The following BAG5 variants were observed in gnomAD, a reference collection of about 807,000 sequenced individuals.
The protein encoded by BAG5 is BAG cochaperone 5.
A neutral mutation model predicts 31.8 loss-of-function variants in BAG5; 25 were observed. That is an observed-to-expected ratio of 0.79 (90% confidence interval 0.57 to 1.10). BAG5 has a LOEUF of 1.10. BAG5 is among the 50% of genes least tolerant of loss of function. The probability of loss-of-function intolerance (pLI) is 0.00; values close to 1 mark genes in which losing one functional copy is unlikely to be tolerated. For synonymous variants in BAG5, 208 were observed against 205.0 expected, an observed-to-expected ratio of 1.01 and a Z score of -0.13; for missense variants, 491 against 527.9, an observed-to-expected ratio of 0.93 and a Z score of 0.68.
Position 103,560,387 on chromosome 14 carries a change from C to T in BAG5, c.778G>A (p.Glu260Lys). 1 of 1,614,188 alleles carries T rather than the reference C, an allele frequency of 6.2e-7. No individual in the cohort carries two copies. The change falls in exon 2 of 2, where the codon GAG (glutamate) becomes AAG (lysine). Residue 260 changes from glutamate (E) to lysine (K), a missense_variant. By Grantham distance (56) the Glu-to-Lys change is moderately conservative (BLOSUM62 1). Transcript: ENST00000299204. ...AATGCTTTAGTTGTGTCTGCTTCCT[C>T]TTCCAAATCCAGATATTTCAATAAT... ...NKLLKYLDLEEEADTTKAFDL... is the reference protein window; with the variant it reads ...NKLLKYLDLEKEADTTKAFDL...
intron 1 of BAG5, 143 bp from the exon 2 acceptor site, chr14:103,561,335 G>T: frequency 1.3e-6 from 1 of 786,938 alleles, no homozygotes; most frequent in African/African-American, 1.7e-5. Flanking sequence ...CAGTAGCTGG[G>T]TCTACAGTCG....
chr14:103,557,172 G>C lies in BAG5; in HGVS notation c.*2649C>G, dbSNP rs935681372. On this transcript the variant is annotated 3_prime_UTR_variant, in exon 2 of 2. Transcript: ENST00000299204. ...CATTTTTGGGGAGTAGGTTTTACTT[G>C]CAGTACAGATTCTTTTCATTACAGA... is the stretch of plus-strand genomic sequence containing the variant. 6.6e-6 allele frequency: 1 copy of C among 152,186 alleles called. No homozygotes were observed. The highest frequency in any genetic ancestry group is 1.5e-5 in the Non-Finnish European group (1 of 68,036). The allele number at this position is 152,186 out of a possible 1,614,324, so 9.4% of individuals were successfully genotyped here.
rs985865923 is a variant in BAG5, at chr14:103,559,711, T to C, written c.*110A>G. On this transcript the variant is annotated 3_prime_UTR_variant, in exon 2 of 2. Transcript: ENST00000299204. ...TACTGAATAGAATTTGCTTCAATCA[T>C]AAATACTGAGACTGAAATATGCACG... 3 of 1,362,328 alleles carry C rather than the reference T, an allele frequency of 2.2e-6. No homozygotes were observed. The South Asian group carries it at 4.3e-5, about 19-fold the overall frequency. 84.4% of individuals were successfully genotyped at this position (1,362,328 alleles called of 1,614,324 possible).
At position 103,560,669 on chromosome 14, in the gene BAG5, A is replaced by T; in HGVS notation, c.496T>A (p.Cys166Ser). ...GGCAGGGAAGGCTGCTTTTTCATGCAGTCTTCGATTATCTCTTGCACCGCA... is the reference window on the plus strand; with the variant it reads ...GGCAGGGAAGGCTGCTTTTTCATGCTGTCTTCGATTATCTCTTGCACCGCA... ...ICAVQEIIEDCMKKQPSLPLS... is the reference protein window; with the variant it reads ...ICAVQEIIEDSMKKQPSLPLS... The change falls in exon 2 of 2, where the codon TGC (cysteine) becomes AGC (serine). Residue 166 changes from cysteine (C) to serine (S), a missense_variant. Transcript: ENST00000299204. The T allele has an allele frequency of 3.1e-6, 5 of 1,614,178 alleles. No homozygotes were observed. Among genetic ancestry groups the T allele is most frequent in the Non-Finnish European group, 2.5e-6 (3 of 1,180,040 alleles).
At chr14:103,561,773 A>G in intron 1 of BAG5, 1 of 640,878 alleles carries the variant, frequency 1.6e-6, no homozygotes, top group Non-Finnish European at 2.8e-6. Flanking sequence ...ACAGGTAAAG[A>G]AGAGCGACCG....
Position 103,557,283 on chromosome 14 carries a change from G to A in BAG5, c.*2538C>T, listed in dbSNP as rs907881047. ...TTAACACAAACAGCTCCCCACGAAGGCCGACAAGAGCTAAATCCGGTGTCA... is the reference window on the plus strand; with the variant it reads ...TTAACACAAACAGCTCCCCACGAAGACCGACAAGAGCTAAATCCGGTGTCA... On this transcript the variant is annotated 3_prime_UTR_variant, in exon 2 of 2. Transcript: ENST00000299204. 2 of 152,324 alleles carry A rather than the reference G, an allele frequency of 1.3e-5. No individual in the cohort carries two copies. Among genetic ancestry groups the A allele is most frequent in the East Asian group, 1.9e-4 (1 of 5,192 alleles). The allele number at this position is 152,324 out of a possible 1,614,324, so 9.4% of individuals were successfully genotyped here.
chr14:103,561,273 T>A (rs970078254), intron 1 of BAG5, 81 bp from the exon 2 acceptor site: 57 of 1,426,710 alleles, frequency 4.0e-5, no homozygotes, highest in Admixed American at 4.6e-5. Context: ...CATTCTAAAA[T>A]TCTCATTTTA....
Position 103,559,757 on chromosome 14 carries a change from G to A in BAG5, c.*64C>T. ...GCACGTATAAATCAATGAACTGAAA[G>A]CTCTCTATACATAGAAGCACATATG... On this transcript the variant is annotated 3_prime_UTR_variant, in exon 2 of 2. Coordinates refer to ENST00000299204, the MANE Select transcript of BAG5 (RefSeq NM_001015048.3). 3 of 1,525,038 alleles carry A rather than the reference G, an allele frequency of 2.0e-6. No homozygotes were observed. The highest frequency in any genetic ancestry group is 2.6e-6 in the Non-Finnish European group (3 of 1,135,106). 94.5% of individuals were successfully genotyped at this position (1,525,038 alleles called of 1,614,324 possible).
intron 1 of BAG5, chr14:103,561,940 A>T (rs748046116): frequency 1.2e-6 from 2 of 1,613,122 alleles, no homozygotes; most frequent in East Asian, 4.5e-5. Context: ...CAATGGCCTA[A>T]TGCACGTTTC....
Position 103,560,189 on chromosome 14 carries a change from G to A in BAG5, c.976C>T (p.Pro326Ser), listed in dbSNP as rs1419518845. The A allele has an allele frequency of 5.0e-6, 8 of 1,614,098 alleles. No individual in the cohort carries two copies. In the Admixed American group the frequency reaches 1.0e-4, roughly 20 times the overall value. ...CTTCTCCTGGCTTCCCGGATGCAGG[G>A]GTTTTTTTCAAGACTTACCTCATCC... Reference protein sequence around the residue: ...QLDEVSLEKNPCIREARRRAV... With the variant: ...QLDEVSLEKNSCIREARRRAV... The change falls in exon 2 of 2, where the codon CCC (proline) becomes TCC (serine). Residue 326 changes from proline to serine, a missense_variant. Coordinates refer to ENST00000299204, the MANE Select transcript of BAG5 (RefSeq NM_001015048.3).
rs1566973143 is a variant in BAG5, at chr14:103,560,846, C to T, written c.319G>A (p.Glu107Lys). The change falls in exon 2 of 2, where the codon GAG becomes AAG. Residue 107 changes from glutamate (E) to lysine (K), a missense_variant. Physicochemically the swap from Glu to Lys is moderately conservative, Grantham distance 56. Coordinates refer to ENST00000299204, the MANE Select transcript of BAG5 (RefSeq NM_001015048.3). Reference protein sequence around the residue: ...IFEEAQSLVREKIVPFYNGGN... With the variant: ...IFEEAQSLVRKKIVPFYNGGN... ...CCATTATAAAATGGCACAATTTTCT[C>T]TCTCACGAGGGACTGGGCTTCCTCA... The T allele has an allele frequency of 6.2e-7, 1 of 1,614,092 alleles. No individual in the cohort carries two copies. The highest frequency in any genetic ancestry group is 2.2e-5 in the East Asian group (1 of 44,884).
chr14:103,560,810 C>T lies in BAG5; in HGVS notation c.355G>A (p.Val119Ile), dbSNP rs370330698. ...ATGCCTTCTTCAAACTCATCAGTTA[C>T]GCAGTTGCCTCCATTATAAAATGGC... ...IVPFYNGGNC[V>I]TDEFEEGIQD... Residue 119 changes from valine (V) to isoleucine (I), a missense_variant, in exon 2 of 2, where the codon GTA becomes ATA. Physicochemically the swap from Val to Ile is conservative, Grantham distance 29. Coordinates refer to ENST00000299204, the MANE Select transcript of BAG5 (RefSeq NM_001015048.3). The T allele has an allele frequency of 4.3e-6, 7 of 1,613,874 alleles. No individual in the cohort carries two copies. Among genetic ancestry groups the T allele is most frequent in the South Asian group, 1.1e-5 (1 of 91,076 alleles).
At position 103,559,295 on chromosome 14, in the gene BAG5, G is replaced by A. The variant is rs2076055179; in HGVS notation, c.*526C>T. Reference sequence around the variant, plus strand: ...ATGTTTACAAAAGAACAGACTGTCTGAACAAACAAAAAAACCCCACCCCGT... The same window carrying A: ...ATGTTTACAAAAGAACAGACTGTCTAAACAAACAAAAAAACCCCACCCCGT... On this transcript the variant is annotated 3_prime_UTR_variant, in exon 2 of 2. Coordinates refer to ENST00000299204, the MANE Select transcript of BAG5 (RefSeq NM_001015048.3). 6.6e-6 allele frequency: 1 copy of A among 152,098 alleles called. No individual in the cohort carries two copies. The highest frequency in any genetic ancestry group is 1.5e-5 in the Non-Finnish European group (1 of 68,108). The allele number at this position is 152,098 out of a possible 1,614,324, so 9.4% of individuals were successfully genotyped here.
intron 1 of BAG5, chr14:103,561,908 C>G (rs1566973820): frequency 6.3e-7 from 1 of 1,596,152 alleles, no homozygotes; most frequent in Non-Finnish European, 8.6e-7. Flanking sequence ...AATTCATTCA[C>G]TCGCCTCCCA....
At chr14:103,562,218 C>A in intron 1 of BAG5, 1 of 581,362 alleles carries the variant, frequency 1.7e-6, no homozygotes, top group Non-Finnish European at 3.1e-6. Context: ...ATGCCTCGCA[C>A]CCCTCCCGAC....
Position 103,558,195 on chromosome 14 carries a change from C to T in BAG5, c.*1626G>A, listed in dbSNP as rs868700217. The T allele has an allele frequency of 6.6e-5, 10 of 152,076 alleles. No homozygotes were observed. The highest frequency in any genetic ancestry group is 1.9e-4 in the East Asian group (1 of 5,190). 9.4% of individuals were successfully genotyped at this position (152,076 alleles called of 1,614,324 possible). Reference sequence around the variant, plus strand: ...ACTGCCCTCTGACCCCACCGTCCAGCGATTCTAGAACATTTCTAGTAGGAA... The same window carrying T: ...ACTGCCCTCTGACCCCACCGTCCAGTGATTCTAGAACATTTCTAGTAGGAA... On this transcript the variant is annotated 3_prime_UTR_variant, in exon 2 of 2. Coordinates refer to ENST00000299204, the MANE Select transcript of BAG5 (RefSeq NM_001015048.3).
At position 103,562,633 on chromosome 14, in the gene BAG5, T is replaced by G; in HGVS notation, c.-46A>C. On this transcript the variant is annotated 5_prime_UTR_variant, in exon 1 of 2. It removes an upstream start codon present in the reference 5' UTR. Coordinates refer to ENST00000299204, the MANE Select transcript of BAG5 (RefSeq NM_001015048.3). ...TCGCTCACCTGTCCCGCCCGCGCCA[T>G]CGCGCGATGCGTCGCCGACGCTTCC... The G allele has an allele frequency of 5.2e-6, 1 of 191,508 alleles. No homozygotes were observed. The highest frequency in any genetic ancestry group is 1.1e-5 in the Non-Finnish European group (1 of 94,602). The allele number at this position is 191,508 out of a possible 1,614,324, so 11.9% of individuals were successfully genotyped here. A position where few individuals can be genotyped will look rare whatever the true frequency, so the allele number is the denominator to read the frequency against.
rs765541357 is a variant in BAG5 at position 103,560,076 on chromosome 14, G to A, written c.1089C>T (p.His363=). The change falls in exon 2 of 2, where the codon CAC becomes CAT. Residue 363 remains histidine (H), a synonymous_variant. Coordinates refer to ENST00000299204, the MANE Select transcript of BAG5 (RefSeq NM_001015048.3). ...EKRKLFACEE[H]PSHKAVWNVL... ...CGTTCCAGACGGCTTTATGGGATGG[G>A]TGCTCCTCACAAGCAAACAGCTTTC... The A allele has an allele frequency of 6.2e-7, 1 of 1,614,166 alleles. No homozygotes were observed. Among genetic ancestry groups the A allele is most frequent in the Non-Finnish European group, 8.5e-7 (1 of 1,180,044 alleles).
In BAG5 at chr14:103,559,956, G is replaced by C; in HGVS notation, c.1209C>G (p.Thr403=). The C allele has an allele frequency of 6.2e-7, 1 of 1,614,206 alleles. No homozygotes were observed. The highest frequency in any genetic ancestry group is 2.2e-5 in the East Asian group (1 of 44,890). ...KNYIRLEELL[T]KQLLALDAVD... is the part of the protein sequence containing the mutation. ...CAGCATCCAGGGCTAGCAGCTGCTT[G>C]GTGAGCAGCTCTTCCAGCCGGATGT... Residue 403 remains threonine (T), a synonymous_variant, in exon 2 of 2, where the codon ACC becomes ACG. Transcript: ENST00000299204.
Sources: allele counts gnomAD v4.1 joint callset, GRCh38; gene constraint gnomAD v4.1.1; transcripts MANE v1.5; gene names NCBI Gene and HGNC (gene_info 2026-07-23, HGNC 2026-07-21).